The following ZNRF3 variants were observed in gnomAD, a reference collection of about 807,000 sequenced individuals.
ZNRF3 encodes the protein E3 ubiquitin-protein ligase ZNRF3.
ZNRF3 carries 23 observed loss-of-function variants against 72.5 expected under a neutral mutation model. The observed-to-expected ratio is 0.32, with a 90% confidence interval of 0.23 to 0.45. The LOEUF (loss-of-function observed/expected upper bound fraction) is 0.45. Among genes scored for constraint, ZNRF3 ranks in the 20% least tolerant of loss-of-function variants. The pLI is 1.00. For synonymous variants in ZNRF3, 610 were observed against 545.3 expected (o/e 1.12, Z -1.65); for missense variants, 1,169 against 1,272.1 (o/e 0.92, Z 1.23).
At chr22:29,020,226 T>C (rs1191594282) in intron 2 of ZNRF3, among the ~76,000 whole-genome samples, 4 of 151,090 alleles carry the variant, frequency 2.6e-5, no homozygotes, top group Non-Finnish European at 4.4e-5. Context: ...AAAAAAGTCA[T>C]GTTCAGTACA....
intron 2 of ZNRF3, among the ~76,000 whole-genome samples, chr22:29,020,787 G>T (rs1402348382): frequency 6.7e-6 from 1 of 149,904 alleles, no homozygotes. Flanking sequence ...GTGTGTGTGT[G>T]TGTGTGTGTG....
At chr22:29,007,349 T>A (rs2036270361) in intron 2 of ZNRF3, among the ~76,000 whole-genome samples, 2 of 152,208 alleles carry the variant, frequency 1.3e-5, no homozygotes, top group Non-Finnish European at 2.9e-5. Context: ...GAAATTATCT[T>A]GTTCACGTCA....
intron 1 of ZNRF3, among the ~76,000 whole-genome samples, chr22:28,976,675 G>GA (rs1226523794): frequency 1.3e-5 from 2 of 152,048 alleles, no homozygotes; most frequent in African/African-American, 4.8e-5. Context: ...TAATAAGAAC[G>GA]ATCAAATGTC....
intron 2 of ZNRF3, among the ~76,000 whole-genome samples, chr22:29,027,166 G>C (rs922353554): frequency 6.6e-6 from 1 of 152,042 alleles, no homozygotes; most frequent in South Asian, 2.1e-4. Flanking sequence ...ACCTACAAAG[G>C]CTAGATCTAC....
chr22:29,009,407 C>G (rs985328198), intron 2 of ZNRF3, among the ~76,000 whole-genome samples: 2 of 151,974 alleles, frequency 1.3e-5, no homozygotes, highest in African/African-American at 4.8e-5. Flanking sequence ...CATCAAGAGG[C>G]ATGCAGAATA....
chr22:29,011,533 G>A (rs1191571364), intron 2 of ZNRF3, among the ~76,000 whole-genome samples: 2 of 152,188 alleles, frequency 1.3e-5, no homozygotes, highest in Admixed American at 6.5e-5. Context: ...TAATTCGCAA[G>A]TTTAAAAAAA....
At chr22:28,901,570 G>A (rs2034104084) in intron 1 of ZNRF3, among the ~76,000 whole-genome samples, 1 of 150,758 alleles carries the variant, frequency 6.6e-6, no homozygotes, top group South Asian at 2.1e-4. Context: ...CTCCTCTTTA[G>A]AGATCAGCTG....
chr22:29,029,292 G>A (rs1229384276), intron 2 of ZNRF3, among the ~76,000 whole-genome samples: 1 of 152,198 alleles, frequency 6.6e-6, no homozygotes, highest in African/African-American at 2.4e-5. Context: ...CCTGTCCCAC[G>A]AATGTTAGAA....
chr22:29,054,243 C>T lies in ZNRF3; in HGVS notation c.*621C>T, dbSNP rs1240336355. ...GTACACGATTTCAGGTCTCAGACGC[C>T]ATGCCTCTCCAGCCCACGCCTTTAG... On this transcript the variant is annotated 3_prime_UTR_variant, in exon 9 of 9. Transcript: ENST00000544604. The T allele has an allele frequency of 6.6e-6, 1 of 152,408 alleles. No individual in the cohort carries two copies. The highest frequency in any genetic ancestry group is 6.5e-5 in the Admixed American group (1 of 15,282). The allele number at this position is 152,408 out of a possible 1,614,324, so 9.4% of individuals were successfully genotyped here.
chr22:28,986,208 G>A (rs561077643), intron 1 of ZNRF3, among the ~76,000 whole-genome samples: 78 of 152,308 alleles, frequency 5.1e-4, no homozygotes, highest in African/African-American at 1.7e-3. Context: ...GCCATATTCT[G>A]TCTAGAGTGC....
Position 29,050,665 on chromosome 22 carries a change from C to T in ZNRF3, c.2484C>T (p.Arg828=), listed in dbSNP as rs759964239. Residue 828 remains arginine (R), a synonymous_variant, in exon 8 of 9, where the codon CGC becomes CGT. Transcript: ENST00000544604. ...CCGGGGCCCGGGACCTGAGCCAGCGCATCCCCATCATTCCAGAGGATGTGG... is the reference window on the plus strand; with the variant it reads ...CCGGGGCCCGGGACCTGAGCCAGCGTATCCCCATCATTCCAGAGGATGTGG... ...CYPGARDLSQ[R]IPIIPEDVDC... is the part of the protein sequence containing the mutation. 6 of 1,612,342 alleles carry T rather than the reference C, an allele frequency of 3.7e-6. No individual in the cohort carries two copies. In the African/African-American group the frequency reaches 4.0e-5, roughly 11 times the overall value.
rs2037308704 is a variant in ZNRF3, at chr22:29,056,799, G to A, written c.*3177G>A. 6.6e-6 allele frequency: 1 copy of A among 152,224 alleles called. No homozygotes were observed. Among genetic ancestry groups the A allele is most frequent in the Non-Finnish European group, 1.5e-5 (1 of 68,064 alleles). The allele number at this position is 152,224 out of a possible 1,614,324, so 9.4% of individuals were successfully genotyped here. ...TTTATGGATGCAGCCCCAGTAAGCT[G>A]GCTTTAACTCTCAGCTCCTTCCCTG... On this transcript the variant is annotated 3_prime_UTR_variant, in exon 9 of 9. Transcript: ENST00000544604.
chr22:28,917,341 C>A, intron 1 of ZNRF3: 2 of 808,950 alleles, frequency 2.5e-6, no homozygotes, highest in Non-Finnish European at 3.0e-6. Context: ...GAAGCCCATT[C>A]TGATCTAACT....
At chr22:28,920,999 C>G (rs2034502243) in intron 1 of ZNRF3, among the ~76,000 whole-genome samples, 1 of 152,258 alleles carries the variant, frequency 6.6e-6, no homozygotes, top group Non-Finnish European at 1.5e-5. Context: ...CCACTGGCCA[C>G]ATGCTTCTCC....
intron 1 of ZNRF3, among the ~76,000 whole-genome samples, chr22:28,941,710 G>A (rs549140511): frequency 6.6e-6 from 1 of 152,156 alleles, no homozygotes; most frequent in South Asian, 2.1e-4. Flanking sequence ...GAGGCCCAAA[G>A]TCCTCAAGTG....
At chr22:28,940,238 A>G (rs2123786681) in intron 1 of ZNRF3, among the ~76,000 whole-genome samples, 1 of 152,350 alleles carries the variant, frequency 6.6e-6, no homozygotes, top group South Asian at 2.1e-4. Flanking sequence ...TTGGTTGAAG[A>G]CAAGGCTAAA....
chr22:28,956,680 A>G (rs530182055), intron 1 of ZNRF3, among the ~76,000 whole-genome samples: 1 of 152,180 alleles, frequency 6.6e-6, no homozygotes, highest in East Asian at 1.9e-4. Context: ...AGTGTAGAGG[A>G]CTTCCTCTAC....
At chr22:28,933,944 G>A (rs1042310624) in intron 1 of ZNRF3, among the ~76,000 whole-genome samples, 3 of 151,698 alleles carry the variant, frequency 2.0e-5, no homozygotes, top group Admixed American at 6.6e-5. Context: ...GTTAAACATG[G>A]CTGAGTGCTT....
intron 2 of ZNRF3, among the ~76,000 whole-genome samples, chr22:28,989,728 A>G (rs2123830548): frequency 6.6e-6 from 1 of 152,234 alleles, no homozygotes; most frequent in East Asian, 1.9e-4. Context: ...GCATTCGGAA[A>G]AGCCTGTGGG....
Sources: gnomAD v4.1 joint callset for allele counts (sites outside exome capture counted in the v4.1 genomes callset) on GRCh38, gnomAD v4.1.1 for gene constraint, MANE v1.5 for transcripts, NCBI Gene and HGNC (gene_info 2026-07-23, HGNC 2026-07-21) for gene names.